The following ZNF385B variants were observed in gnomAD, a reference collection of about 807,000 sequenced individuals.
ZNF385B encodes zinc finger protein 385B, also known as zinc finger protein 533.
A neutral mutation model predicts 39.2 loss-of-function variants in ZNF385B; 23 were observed. The observed-to-expected ratio is 0.59, with a 90% CI of 0.42 to 0.83. ZNF385B has a LOEUF of 0.83. ZNF385B is among the 40% of genes least tolerant of loss of function. The probability of loss-of-function intolerance (pLI) is 0.00; values close to 1 mark genes in which losing one functional copy is unlikely to be tolerated. For missense variants in ZNF385B, 552 were observed against 598.9 expected (o/e 0.92, Z 0.82); for synonymous variants, 205 against 222.6 (o/e 0.92, Z 0.70).
At chr2:179,576,640 T>C (rs1166848706) in intron 3 of ZNF385B, among the ~76,000 whole-genome samples, 1 of 152,212 alleles carries the variant, frequency 6.6e-6, no homozygotes, top group Non-Finnish European at 1.5e-5. Flanking sequence ...TGCACAATCA[T>C]ATACCCAGTT....
intron 4 of ZNF385B, among the ~76,000 whole-genome samples, chr2:179,541,035 T>G (rs1485915373): frequency 2.0e-5 from 3 of 152,188 alleles, no homozygotes; most frequent in Non-Finnish European, 2.9e-5. Context: ...CTTTTACCTA[T>G]AAATGACTCA....
At chr2:179,549,022 C>T (rs1293827521) in intron 3 of ZNF385B, among the ~76,000 whole-genome samples, 2 of 149,502 alleles carry the variant, frequency 1.3e-5, no homozygotes, top group Non-Finnish European at 3.0e-5. Flanking sequence ...CTTTAGGTTT[C>T]TCTATTCTAG....
chr2:179,852,450 C>T (rs539951345), intron 1 of ZNF385B, among the ~76,000 whole-genome samples: 1 of 152,122 alleles, frequency 6.6e-6, no homozygotes, highest in Admixed American at 6.5e-5. Flanking sequence ...AGCCAAAAAT[C>T]GCTGGCTCCA....
At chr2:179,493,518 T>TATGTGTGTACATATATGCGTATAC (rs2055533224) in intron 5 of ZNF385B, among the ~76,000 whole-genome samples, 12 of 150,468 alleles carry the variant, frequency 8.0e-5, no homozygotes, top group Non-Finnish European at 1.3e-4. Context: ...TGCGTATACA[T>TATGTGTGTACATATATGCGTATAC]ATGTGTGTAC....
intron 5 of ZNF385B, among the ~76,000 whole-genome samples, chr2:179,502,451 G>A (rs1045531616): frequency 7.9e-5 from 12 of 152,074 alleles, no homozygotes; most frequent in African/African-American, 2.4e-4. Flanking sequence ...TCTTGGGGGC[G>A]GACTTCTCCT....
chr2:179,844,795 C>A (rs1416999627), intron 1 of ZNF385B, among the ~76,000 whole-genome samples: 1 of 152,192 alleles, frequency 6.6e-6, no homozygotes, highest in Admixed American at 6.5e-5. Flanking sequence ...TTATATCAAG[C>A]TCTATCACTC....
chr2:179,566,971 G>C (rs978044629), intron 3 of ZNF385B, among the ~76,000 whole-genome samples: 1 of 147,356 alleles, frequency 6.8e-6, no homozygotes. Context: ...CTGGAGTGCA[G>C]TGGTGCGATC....
At chr2:179,591,595 A>G (rs552833072) in intron 3 of ZNF385B, among the ~76,000 whole-genome samples, 1 of 152,338 alleles carries the variant, frequency 6.6e-6, no homozygotes, top group East Asian at 1.9e-4. Context: ...AAAGCACCTC[A>G]AAACTGTTCA....
intron 6 of ZNF385B, among the ~76,000 whole-genome samples, chr2:179,462,816 T>C (rs1013579583): frequency 2.0e-5 from 3 of 152,180 alleles, no homozygotes; most frequent in Non-Finnish European, 2.9e-5. Flanking sequence ...TCAGATTGCC[T>C]TACTTTATTA....
chr2:179,640,188 C>T (rs1692138933), intron 3 of ZNF385B, among the ~76,000 whole-genome samples: 1 of 151,976 alleles, frequency 6.6e-6, no homozygotes, highest in African/African-American at 2.4e-5. Context: ...GGATTGGATC[C>T]TAGGTTGGAA....
At chr2:179,615,650 C>T (rs3106708) in intron 3 of ZNF385B, among the ~76,000 whole-genome samples, 87,820 of 151,982 alleles carry the variant, frequency 0.58, 25,607 homozygotes, top group Admixed American at 0.64. Context: ...TTTTTAGAAC[C>T]GGGCTTGTAA....
chr2:179,841,235 G>C, intron 1 of ZNF385B, among the ~76,000 whole-genome samples: 1 of 152,206 alleles, frequency 6.6e-6, no homozygotes, highest in Non-Finnish European at 1.5e-5. Flanking sequence ...ACTAAGATCA[G>C]TAGGAGCAAA....
chr2:179,677,184 C>T (rs1439927381), intron 3 of ZNF385B, among the ~76,000 whole-genome samples: 1 of 152,190 alleles, frequency 6.6e-6, no homozygotes, highest in African/African-American at 2.4e-5. Flanking sequence ...AAGAGACATG[C>T]ACTCACTCCA....
At chr2:179,805,709 A>C (rs1306231545) in intron 1 of ZNF385B, among the ~76,000 whole-genome samples, 2 of 152,176 alleles carry the variant, frequency 1.3e-5, no homozygotes, top group African/African-American at 2.4e-5. Context: ...GAATATGTAA[A>C]AAACATAGAA....
chr2:179,775,932 G>A (rs531122880), intron 1 of ZNF385B, among the ~76,000 whole-genome samples: 81 of 152,088 alleles, frequency 5.3e-4, no homozygotes, highest in Middle Eastern at 6.8e-3. Context: ...AAATTGTATC[G>A]TCCCTGAAAG....
intron 5 of ZNF385B, among the ~76,000 whole-genome samples, chr2:179,509,012 T>C (rs1390440732): frequency 1.3e-5 from 2 of 151,424 alleles, no homozygotes; most frequent in African/African-American, 4.9e-5. Flanking sequence ...AGTGGTGTGA[T>C]CTGGGCTCAC....
intron 3 of ZNF385B, among the ~76,000 whole-genome samples, chr2:179,734,627 T>C (rs1701620572): frequency 6.6e-6 from 1 of 152,200 alleles, no homozygotes; most frequent in South Asian, 2.1e-4. Context: ...CTATGACTTA[T>C]TATCATATGC....
intron 3 of ZNF385B, among the ~76,000 whole-genome samples, chr2:179,631,869 A>AAC (rs1691256373): frequency 6.6e-6 from 1 of 151,948 alleles, no homozygotes; most frequent in South Asian, 2.1e-4. Context: ...AAAACAAACA[A>AAC]AAAAAACAAA....
In ZNF385B at chr2:179,817,620, C is replaced by T. The variant is rs1372512154; in HGVS notation, c.-155+43481G>A. On this transcript the variant is annotated intron_variant, in intron 1 of 9. Coordinates refer to ENST00000410066, the MANE Select transcript of ZNF385B (RefSeq NM_152520.6). ...AAAACACCGGGGAAGAAAGCCAGAG[C>T]TTAACTGTGTGTGAGTAGACATCAC... is the stretch of plus-strand genomic sequence containing the variant. Among the ~76,000 whole-genome samples the T allele has an allele frequency of 5.3e-5, 8 of 152,094 alleles. No individual in the cohort carries two copies. The East Asian group carries it at 1.5e-3, about 29-fold the overall frequency.
Sources: allele counts gnomAD v4.1 joint callset (sites outside exome capture counted in the v4.1 genomes callset), GRCh38; gene constraint gnomAD v4.1.1; transcripts MANE v1.5; gene names NCBI Gene and HGNC (gene_info 2026-07-23, HGNC 2026-07-21).